Variants in NPC1L1 observed in about 807,000 individuals in gnomAD.
NPC1L1 encodes NPC1-like intracellular cholesterol transporter 1.
Under a neutral mutation model 117.0 loss-of-function variants are expected in NPC1L1, and 98 were observed. The ratio of observed to expected loss-of-function variants is 0.84; its 90% CI spans 0.71 to 0.99. The LOEUF (loss-of-function observed/expected upper bound fraction) is 0.99, where lower values mean the gene tolerates loss of function less well. Among genes scored for constraint, NPC1L1 ranks in the 50% least tolerant of loss-of-function variants. The pLI is 0.00. For synonymous variants in NPC1L1, 729 were observed against 727.6 expected, an observed-to-expected ratio of 1.00 and a Z score of -0.03; for missense variants, 1,540 against 1,710.0, an observed-to-expected ratio of 0.90 and a Z score of 1.75.
chr7:44,524,809 C>T (rs1284546700), intron 10 of NPC1L1, among the ~76,000 whole-genome samples: 1 of 151,570 alleles, frequency 6.6e-6, no homozygotes, highest in Non-Finnish European at 1.5e-5. Context: ...GCTCAAAGAG[C>T]TAAAAGAAAA....
intron 10 of NPC1L1, among the ~76,000 whole-genome samples, chr7:44,525,032 G>A (rs551481248): frequency 1.5e-4 from 23 of 152,104 alleles, no homozygotes; most frequent in South Asian, 1.2e-3. Context: ...AAAAAATAAC[G>A]AAAGTGAACA....
chr7:44,529,157 ACACACACG>A (rs1182951228), intron 10 of NPC1L1, among the ~76,000 whole-genome samples: 3 of 112,610 alleles, frequency 2.7e-5, no homozygotes, highest in Non-Finnish European at 5.8e-5. Flanking sequence ...ACACACACAC[ACACACACG>A]ATCGAGATTG....
intron 14 of NPC1L1, among the ~76,000 whole-genome samples, chr7:44,517,838 G>T (rs563749031): frequency 1.4e-4 from 21 of 152,248 alleles, no homozygotes; most frequent in African/African-American, 5.1e-4. Context: ...GTTATTGGCC[G>T]GGTGTGGTGG....
In NPC1L1 at chr7:44,533,575, G is replaced by T; in HGVS notation, c.2282-17C>A. The T allele has an allele frequency of 6.2e-7, 1 of 1,614,116 alleles. No individual in the cohort carries two copies. Among genetic ancestry groups the T allele is most frequent in the South Asian group, 1.1e-5 (1 of 91,032 alleles). ...TCAGGGCCCCTGTGAGGGAGCAGAG[G>T]GCTGTCAGGGCACCCTGGCTTCAAG... is the stretch of plus-strand genomic sequence containing the variant. On this transcript the variant is annotated splice_polypyrimidine_tract_variant and intron_variant, in intron 7 of 18. Coordinates refer to ENST00000381160, the MANE Select transcript of NPC1L1 (RefSeq NM_001101648.2).
rs1348671323 is a variant in NPC1L1, at chr7:44,539,786, T to C, written c.611A>G (p.Asn204Ser). 2 of 1,614,006 alleles carry C rather than the reference T, an allele frequency of 1.2e-6. No individual in the cohort carries two copies. Among genetic ancestry groups the C allele is most frequent in the African/African-American group, 2.7e-5 (2 of 74,926 alleles). ...ACCATTGCCTGTGTCTCCCTGGAAG[T>C]TGAGCCAGCGCTGGGCATTGCAAAG... ...SALCNAQRWLNFQGDTGNGLA... is the reference protein window; with the variant it reads ...SALCNAQRWLSFQGDTGNGLA... The change falls in exon 2 of 19, where the codon AAC becomes AGC. Residue 204 changes from asparagine (N) to serine (S), a missense_variant. Coordinates refer to ENST00000381160, the MANE Select transcript of NPC1L1 (RefSeq NM_001101648.2). This position sits in a 1 kb window ranked among gnomAD's most constrained non-coding sequence, Gnocchi z 4.4.
In NPC1L1 at chr7:44,516,026, T is replaced by C. The variant is rs114503245; in HGVS notation, c.3633+58A>G. On this transcript the variant is annotated intron_variant, in intron 17 of 18. Coordinates refer to ENST00000381160, the MANE Select transcript of NPC1L1 (RefSeq NM_001101648.2). ...AGGGCATCAGGCAGGGCACAGGGCA[T>C]CAGGCAGGGCACAGGGTGTCGAGTG... 4,656 of 1,609,372 alleles carry C rather than the reference T, an allele frequency of 2.9e-3. 111 individuals carry two copies. In the African/African-American group the frequency reaches 0.055, roughly 19 times the overall value.
chr7:44,526,754 T>G (rs1266110596), intron 10 of NPC1L1, among the ~76,000 whole-genome samples: 1 of 152,122 alleles, frequency 6.6e-6, no homozygotes. Context: ...CCGGGCACAG[T>G]GGCTCACACC....
chr7:44,518,972 CTTCT>C (rs1286323255), intron 14 of NPC1L1, among the ~76,000 whole-genome samples: 37 of 150,028 alleles, frequency 2.5e-4, no homozygotes, highest in African/African-American at 4.7e-4. Context: ...TCCTTCCTTC[CTTCT>C]TTCTTTCTTT....
chr7:44,521,897 C>T (rs1048369210), intron 11 of NPC1L1, 61 bp from the exon 12 acceptor site: 6 of 1,610,782 alleles, frequency 3.7e-6, no homozygotes, highest in African/African-American at 2.7e-5. Flanking sequence ...GGGTCCTTCT[C>T]GTGGCCCAAC....
At chr7:44,540,976 C>T (rs1047110636) in intron 1 of NPC1L1, among the ~76,000 whole-genome samples, 1 of 152,114 alleles carries the variant, frequency 6.6e-6, no homozygotes, top group African/African-American at 2.4e-5. Flanking sequence ...GCACCCCAGT[C>T]CAGCAGCCTC....
rs773102499 is a variant in NPC1L1 at position 44,522,205 on chromosome 7, C to T, written c.2675G>A (p.Arg892His). Residue 892 changes from arginine (R) to histidine (H), a missense_variant, in exon 11 of 19, where the codon CGC becomes CAC. This residue lies in a region of NPC1L1 where 742 missense variants were observed against 873.6 expected (regional missense o/e 0.85). Transcript: ENST00000381160. ...YLLDYFLFLN[R>H]YFEVGAPVYF... ...CACCGGGGCCCCCACCTCGAAGTAG[C>T]GGTTCAGAAAGAGGAAATAGTCAAG... 31 of 1,613,694 alleles carry T rather than the reference C, an allele frequency of 1.9e-5. No individual in the cohort carries two copies. The highest frequency in any genetic ancestry group is 2.5e-5 in the Non-Finnish European group (30 of 1,179,864).
At position 44,534,565 on chromosome 7, in the gene NPC1L1, G is replaced by A. The variant is rs754287256; in HGVS notation, c.2048C>T (p.Ala683Val). The change falls in exon 6 of 19, where the codon GCC (alanine) becomes GTC (valine). Residue 683 changes from alanine to valine, a missense_variant. Around this residue, in one of 3 missense-constraint regions of NPC1L1, gnomAD observed 742 missense variants for 873.6 expected, o/e 0.85. Transcript: ENST00000381160. The surrounding 1 kb of genome is among the most constrained non-coding windows in gnomAD (Gnocchi z 5.2). Reference protein sequence around the residue: ...VAVVLGAVMAAMGFFSYLGIR... With the variant: ...VAVVLGAVMAVMGFFSYLGIR... ...ACCCAAGTAGGAGAAGAAGCCCATG[G>A]CAGCCATGACTGCTCCCAGGACCAC... 4 of 1,614,094 alleles carry A rather than the reference G, an allele frequency of 2.5e-6. No individual in the cohort carries two copies. Among genetic ancestry groups the A allele is most frequent in the Non-Finnish European group, 3.4e-6 (4 of 1,180,006 alleles).
rs1037494034 is a variant in NPC1L1, at chr7:44,522,069, G to T, written c.2811C>A (p.Ala937=). Residue 937 remains alanine, a synonymous_variant, in exon 11 of 19, where the codon GCC becomes GCA. Transcript: ENST00000381160. ...NFSFTQKIQY[A]TEFPEQSYLA... Reference sequence around the variant, plus strand: ...GAACTCACTGCTCAGGGAACTCTGTGGCATACTGGATCTTCTGGGTGAAGG... The same window carrying T: ...GAACTCACTGCTCAGGGAACTCTGTTGCATACTGGATCTTCTGGGTGAAGG... The T allele has an allele frequency of 3.1e-6, 5 of 1,613,818 alleles. No homozygotes were observed. The African/African-American group carries it at 6.7e-5, about 22-fold the overall frequency.
At chr7:44,520,002 G>A (rs986063838) in intron 14 of NPC1L1, among the ~76,000 whole-genome samples, 8 of 152,168 alleles carry the variant, frequency 5.3e-5, no homozygotes, top group Non-Finnish European at 1.2e-4. Context: ...AGAGGAGGCC[G>A]GGCACAGTGG....
At chr7:44,531,694 G>A (rs1801704232) in intron 10 of NPC1L1, 61 bp downstream of exon 10, 20 of 1,451,044 alleles carry the variant, frequency 1.4e-5, no homozygotes, top group Non-Finnish European at 1.8e-5. Context: ...CATCCCTGCT[G>A]GTTGCTACTG....
rs371724468 is a variant in NPC1L1, at chr7:44,536,479, C to A, written c.1682-51G>T. On this transcript the variant is annotated intron_variant, in intron 3 of 18. Transcript: ENST00000381160. This position sits in a 1 kb window ranked among gnomAD's most constrained non-coding sequence, Gnocchi z 4.7. ...TCCTGCTGCACCCGTGCCTCCCTCC[C>A]CCTCCAGCTGCACCCCTATATTCCC... is the stretch of plus-strand genomic sequence containing the variant. 3.2e-5 allele frequency: 51 copies of A among 1,591,166 alleles called. 1 individual carries two copies. The African/African-American group carries it at 5.8e-4, about 18-fold the overall frequency.
intron 1 of NPC1L1, among the ~76,000 whole-genome samples, chr7:44,540,823 G>T (rs1001370036): frequency 3.3e-5 from 5 of 151,988 alleles, no homozygotes; most frequent in East Asian, 1.9e-4. Context: ...GCCAGCGCTG[G>T]ATCTTCTCCC....
rs746103973 is a variant in NPC1L1, at chr7:44,522,318, C to T, written c.2638-76G>A. ...AAGGGCTCAATCCAGCTCACACTCT[C>T]GAAGGTACACACAGAGGTACATGCT... On this transcript the variant is annotated intron_variant, in intron 10 of 18. Coordinates refer to ENST00000381160, the MANE Select transcript of NPC1L1 (RefSeq NM_001101648.2). 3.7e-5 allele frequency: 50 copies of T among 1,362,542 alleles called. No individual in the cohort carries two copies. In the East Asian group the frequency reaches 4.2e-4, roughly 11 times the overall value. The allele number at this position is 1,362,542 out of a possible 1,614,324, so 84.4% of individuals were successfully genotyped here. A position where few individuals can be genotyped will look rare whatever the true frequency, so the allele number is the denominator to read the frequency against.
At position 44,536,780 on chromosome 7, in the gene NPC1L1, C is replaced by G; in HGVS notation, c.1681+62G>C. On this transcript the variant is annotated intron_variant, in intron 3 of 18. Transcript: ENST00000381160. This position sits in a 1 kb window ranked among gnomAD's most constrained non-coding sequence, Gnocchi z 4.7. ...CCCAGCACCACTCCCACCCTCCCGT[C>G]TATGGTTCCTGCCCCAATACTGCAT... 1.4e-6 allele frequency: 2 copies of G among 1,448,058 alleles called. No individual in the cohort carries two copies. Among genetic ancestry groups the G allele is most frequent in the Non-Finnish European group, 1.9e-6 (2 of 1,030,480 alleles). 89.7% of individuals were successfully genotyped at this position (1,448,058 alleles called of 1,614,324 possible).
Sources: allele counts gnomAD v4.1 joint callset (sites outside exome capture counted in the v4.1 genomes callset), GRCh38; gene constraint gnomAD v4.1.1; regional missense constraint gnomAD v4.1.1; non-coding constraint Gnocchi (gnomAD v3.1); transcripts MANE v1.5; gene names NCBI Gene and HGNC (gene_info 2026-07-23, HGNC 2026-07-21).